Variants in ZSCAN25 observed in about 807,000 individuals in gnomAD.
ZSCAN25 encodes the protein zinc finger and SCAN domain containing 25.
Under a neutral mutation model 38.7 loss-of-function variants are expected in ZSCAN25, and 27 were observed. The observed-to-expected ratio is 0.70, with a 90% CI of 0.51 to 0.96. ZSCAN25 has a LOEUF of 0.96. Ranked by LOEUF, ZSCAN25 falls within the 40% of genes least tolerant of loss-of-function variation. The pLI, the probability that ZSCAN25 is intolerant of heterozygous loss-of-function variation, is 0.00. For missense variants in ZSCAN25, 637 were observed against 705.9 expected (o/e 0.90, Z 1.11); for synonymous variants, 273 against 277.7 (o/e 0.98, Z 0.17).
chr7:99,692,505 C>T, the ZSCAN25 span, among the ~76,000 whole-genome samples: 1 of 152,146 alleles, frequency 6.6e-6, no homozygotes, highest in Non-Finnish European at 1.5e-5. Flanking sequence ...GACTTGGTTC[C>T]ATTCTCCCTG....
the ZSCAN25 span, chr7:99,672,000 A>C: frequency 1.3e-5 from 8 of 609,800 alleles, no homozygotes; most frequent in Non-Finnish European, 2.3e-5. Flanking sequence ...TTCCTGTACT[A>C]TAGTATTAGG....
the ZSCAN25 span, chr7:99,722,343 A>G: frequency 1.2e-5 from 19 of 1,613,416 alleles, no homozygotes; most frequent in Middle Eastern, 1.6e-4. Context: ...CAAACGTCCA[A>G]TAGCCCTGGG....
At chr7:99,635,862 A>C (rs1217654110), downstream of ZSCAN25, among the ~76,000 whole-genome samples, 3 of 152,010 alleles carry the variant, frequency 2.0e-5, no homozygotes, top group Non-Finnish European at 4.4e-5. Context: ...CCTGGATAAC[A>C]TGGTGAAACC....
At chr7:99,671,810 G>A in the ZSCAN25 span, 2 of 702,904 alleles carry the variant, frequency 2.8e-6, no homozygotes, top group Non-Finnish European at 5.2e-6. Flanking sequence ...GTGACTGTAG[G>A]ACAGCAGGAG....
the ZSCAN25 span, chr7:99,676,217 T>A: frequency 1.9e-6 from 3 of 1,613,354 alleles, no homozygotes; most frequent in African/African-American, 1.3e-5. Context: ...ATCTACAAAG[T>A]GAAACAGAAA....
the ZSCAN25 span, among the ~76,000 whole-genome samples, chr7:99,711,336 T>G: frequency 6.6e-6 from 1 of 152,198 alleles, no homozygotes; most frequent in Admixed American, 6.5e-5. Flanking sequence ...TTTGCAACAT[T>G]AATGGCTAGA....
the ZSCAN25 span, among the ~76,000 whole-genome samples, chr7:99,640,843 T>A: frequency 6.6e-6 from 1 of 152,164 alleles, no homozygotes; most frequent in Non-Finnish European, 1.5e-5. Context: ...AGGATGGAAA[T>A]GCATGAGTAG....
the ZSCAN25 span, chr7:99,671,011 T>C: frequency 6.6e-6 from 1 of 152,202 alleles, no homozygotes; most frequent in African/African-American, 2.4e-5. Context: ...TTCAATGATT[T>C]TGAAAGACCC....
the ZSCAN25 span, chr7:99,638,116 A>G: frequency 1.0e-6 from 1 of 953,206 alleles, no homozygotes; most frequent in South Asian, 2.0e-5. Context: ...CCCAAACTGT[A>G]GAACAGTAAC....
At chr7:99,702,091 CTTT>C in the ZSCAN25 span, among the ~76,000 whole-genome samples, 2 of 140,176 alleles carry the variant, frequency 1.4e-5, no homozygotes. Context: ...AGATTTCAGT[CTTT>C]TTTTTTTTTT....
the ZSCAN25 span, chr7:99,722,488 G>A: frequency 2.9e-6 from 3 of 1,049,314 alleles, no homozygotes; most frequent in Non-Finnish European, 4.1e-6. Flanking sequence ...GATGTCATAA[G>A]AGAAAGGAAA....
rs1352411346 is a variant in ZSCAN25 at position 99,629,824 on chromosome 7, A to G, written c.1439A>G (p.His480Arg). The change falls in exon 8 of 8, where the codon CAC becomes CGC. Residue 480 changes from histidine to arginine, a missense_variant. Transcript: ENST00000394152. This position sits in a 1 kb window ranked among gnomAD's most constrained non-coding sequence, Gnocchi z 5.6. ...NANLAVHRRA[H>R]TGEKPYGCQV... ...AATCTGGCGGTGCACCGGCGTGCCCACACTGGCGAGAAGCCATATGGGTGC... is the reference window on the plus strand; with the variant it reads ...AATCTGGCGGTGCACCGGCGTGCCCGCACTGGCGAGAAGCCATATGGGTGC... 6.2e-7 allele frequency: 1 copy of G among 1,614,184 alleles called. No individual in the cohort carries two copies. The highest frequency in any genetic ancestry group is 1.7e-5 in the Admixed American group (1 of 60,034).
the ZSCAN25 span, among the ~76,000 whole-genome samples, chr7:99,665,530 A>C: frequency 6.6e-6 from 1 of 152,212 alleles, no homozygotes; most frequent in Admixed American, 6.5e-5. Context: ...GGAGACACCA[A>C]GCTGAGTTAG....
chr7:99,685,352 A>G, the ZSCAN25 span: 1 of 1,365,570 alleles, frequency 7.3e-7, no homozygotes, highest in Non-Finnish European at 1.0e-6. Context: ...TGACCATTAC[A>G]AACTATGTGG....
the ZSCAN25 span, chr7:99,676,684 G>A: frequency 8.3e-6 from 5 of 605,518 alleles, no homozygotes; most frequent in Non-Finnish European, 8.6e-6. Flanking sequence ...TGGTGACACT[G>A]CCCTTACAAT....
rs571256737 is a variant in ZSCAN25, at chr7:99,631,852, G to C, written c.*1832G>C. ...TCTGAGATGTCCACACGGGGCTGCTGCTGCTCCTCTGTAATACTGAGGTCC... is the reference window on the plus strand; with the variant it reads ...TCTGAGATGTCCACACGGGGCTGCTCCTGCTCCTCTGTAATACTGAGGTCC... On this transcript the variant is annotated 3_prime_UTR_variant, in exon 8 of 8. Coordinates refer to ENST00000394152, the MANE Select transcript of ZSCAN25 (RefSeq NM_145115.3). 1.9e-5 allele frequency: 19 copies of C among 985,468 alleles called. No individual in the cohort carries two copies. The East Asian group carries it at 2.2e-3, about 112-fold the overall frequency. 61.0% of individuals were successfully genotyped at this position (985,468 alleles called of 1,614,324 possible). A position where few individuals can be genotyped will look rare whatever the true frequency, so the allele number is the denominator to read the frequency against.
At chr7:99,660,610 A>G in the ZSCAN25 span, 1 of 1,614,082 alleles carries the variant, frequency 6.2e-7, no homozygotes, top group Non-Finnish European at 8.5e-7. Context: ...TTTCATAGCC[A>G]GCAAAAATGA....
chr7:99,630,421 A>C lies in ZSCAN25; in HGVS notation c.*401A>C. 2.0e-6 allele frequency: 2 copies of C among 1,011,608 alleles called. No individual in the cohort carries two copies. The highest frequency in any genetic ancestry group is 1.7e-5 in the African/African-American group (1 of 57,574). The allele number at this position is 1,011,608 out of a possible 1,614,324, so 62.7% of individuals were successfully genotyped here. A position where few individuals can be genotyped will look rare whatever the true frequency, so the allele number is the denominator to read the frequency against. ...GGGTCATAGCTCAGACTCTTCCCCC[A>C]CCCCCTCTCTTTTCCATTGAACAAA... On this transcript the variant is annotated 3_prime_UTR_variant, in exon 8 of 8. Transcript: ENST00000394152.
the ZSCAN25 span, among the ~76,000 whole-genome samples, chr7:99,644,705 C>T: frequency 1.3e-5 from 2 of 152,194 alleles, no homozygotes; most frequent in Non-Finnish European, 2.9e-5. Context: ...TGGAGAAGCA[C>T]ATTCCTAGGG....
Sources: gnomAD v4.1 joint callset for allele counts (sites outside exome capture counted in the v4.1 genomes callset) on GRCh38, gnomAD v4.1.1 for gene constraint, Gnocchi (gnomAD v3.1) non-coding constraint, MANE v1.5 for transcripts, NCBI Gene and HGNC (gene_info 2026-07-23, HGNC 2026-07-21) for gene names.